Variants in BCKDHB observed in about 807,000 individuals in gnomAD.
BCKDHB encodes the protein 2-oxoisovalerate dehydrogenase subunit beta, mitochondrial.
In BCKDHB, 41 loss-of-function variants were observed where a neutral mutation model predicts 48.5. That is an observed-to-expected ratio of 0.85 (90% CI 0.66 to 1.10). The LOEUF is 1.10. Ranked by LOEUF, BCKDHB falls within the 50% of genes least tolerant of loss-of-function variation. The pLI is 0.00. For synonymous variants in BCKDHB, 201 were observed against 174.8 expected (o/e 1.15, Z -1.18); for missense variants, 496 against 494.2 (o/e 1.00, Z -0.03).
At chr6:80,304,391 T>C (rs1030994320) in intron 9 of BCKDHB, among the ~76,000 whole-genome samples, 6 of 152,150 alleles carry the variant, frequency 3.9e-5, no homozygotes, top group Admixed American at 2.6e-4. Context: ...CTGACTTTCC[T>C]AGCAAAGTGA....
chr6:80,306,634 A>G (rs1381487447), intron 9 of BCKDHB, among the ~76,000 whole-genome samples: 2 of 152,244 alleles, frequency 1.3e-5, no homozygotes, highest in Non-Finnish European at 2.9e-5. Flanking sequence ...CCAACAAATC[A>G]GATCAATAAT....
intron 9 of BCKDHB, among the ~76,000 whole-genome samples, chr6:80,286,555 A>T: frequency 6.6e-6 from 1 of 152,140 alleles, no homozygotes; most frequent in East Asian, 1.9e-4. Context: ...CTATTGAATT[A>T]TTTTCCTTAG....
intron 9 of BCKDHB, 86 bp downstream of exon 9, chr6:80,273,307 G>A (rs1442749350): frequency 1.8e-6 from 2 of 1,136,924 alleles, no homozygotes; most frequent in Non-Finnish European, 2.6e-6. Context: ...ATCACAATAT[G>A]TGAAAGCATA....
At chr6:80,145,365 T>G (rs1289295830) in intron 3 of BCKDHB, among the ~76,000 whole-genome samples, 3 of 152,168 alleles carry the variant, frequency 2.0e-5, no homozygotes, top group Non-Finnish European at 4.4e-5. Flanking sequence ...TCAGTGGTCC[T>G]TGCCTTTGCT....
chr6:80,246,924 C>A (rs1035554371), intron 8 of BCKDHB, among the ~76,000 whole-genome samples: 23 of 152,028 alleles, frequency 1.5e-4, no homozygotes, highest in Non-Finnish European at 2.9e-5. Flanking sequence ...TTCAAGGGCC[C>A]AGACAATGTT....
the BCKDHB span, among the ~76,000 whole-genome samples, chr6:80,379,986 A>G: frequency 2.0e-5 from 3 of 152,130 alleles, no homozygotes; most frequent in Admixed American, 6.5e-5. Flanking sequence ...AGAAGAATCA[A>G]TATTATTAAA....
At chr6:80,385,454 A>G in the BCKDHB span, among the ~76,000 whole-genome samples, 7 of 152,192 alleles carry the variant, frequency 4.6e-5, no homozygotes, top group African/African-American at 1.7e-4. Context: ...AGCTGGGGAC[A>G]CTGAGTTTGT....
intron 9 of BCKDHB, among the ~76,000 whole-genome samples, chr6:80,339,179 A>G (rs1156920665): frequency 2.0e-5 from 3 of 152,118 alleles, no homozygotes; most frequent in Non-Finnish European, 2.9e-5. Flanking sequence ...ACCTGTGAAA[A>G]CCTTAATATA....
At chr6:80,389,228 G>A in the BCKDHB span, among the ~76,000 whole-genome samples, 1 of 150,784 alleles carries the variant, frequency 6.6e-6, no homozygotes, top group Non-Finnish European at 1.5e-5. Flanking sequence ...CACCTAATGG[G>A]CCCACGAACA....
At chr6:80,419,122 G>A in the BCKDHB span, among the ~76,000 whole-genome samples, 3 of 152,164 alleles carry the variant, frequency 2.0e-5, no homozygotes, top group South Asian at 2.1e-4. Context: ...TCATTTGGGG[G>A]AGGTGGGACA....
intron 8 of BCKDHB, among the ~76,000 whole-genome samples, chr6:80,233,113 T>G (rs1776002307): frequency 6.6e-6 from 1 of 152,158 alleles, no homozygotes; most frequent in Non-Finnish European, 1.5e-5. Context: ...TTTTTATATT[T>G]TCAGGTATGA....
chr6:80,154,544 C>G (rs1771945543), intron 3 of BCKDHB, among the ~76,000 whole-genome samples: 1 of 151,914 alleles, frequency 6.6e-6, no homozygotes, highest in Non-Finnish European at 1.5e-5. Flanking sequence ...TAATTTCATT[C>G]CAATGTTCCA....
intron 8 of BCKDHB, among the ~76,000 whole-genome samples, chr6:80,240,306 G>GTA (rs1776327072): frequency 6.6e-6 from 1 of 152,024 alleles, no homozygotes; most frequent in African/African-American, 2.4e-5. Context: ...ATTTGTTTGT[G>GTA]TATTCTTTTA....
the BCKDHB span, among the ~76,000 whole-genome samples, chr6:80,352,142 G>T: frequency 2.6e-5 from 3 of 116,552 alleles, no homozygotes; most frequent in Admixed American, 2.4e-4. Context: ...TCTTCTTTTT[G>T]TTGTTGTTGT....
the BCKDHB span, among the ~76,000 whole-genome samples, chr6:80,351,840 A>C: frequency 8.1e-6 from 1 of 124,140 alleles, no homozygotes. Flanking sequence ...TTTTTTTTTG[A>C]GACGGAGTTT....
the BCKDHB span, among the ~76,000 whole-genome samples, chr6:80,458,601 C>G: frequency 6.6e-6 from 1 of 152,148 alleles, no homozygotes; most frequent in Non-Finnish European, 1.5e-5. Context: ...CTTCATGTAT[C>G]AAGCATGTGT....
At chr6:80,153,149 G>A (rs1771872119) in intron 3 of BCKDHB, among the ~76,000 whole-genome samples, 1 of 132,214 alleles carries the variant, frequency 7.6e-6, no homozygotes, top group African/African-American at 2.5e-5. Context: ...CTTTTTTGCA[G>A]AAGGTGAGCC....
chr6:80,210,686 G>A (rs1562139971), intron 8 of BCKDHB, among the ~76,000 whole-genome samples: 3 of 152,172 alleles, frequency 2.0e-5, no homozygotes, highest in South Asian at 4.1e-4. Context: ...AGAGAGCCTT[G>A]GTGTCCTTAG....
intron 9 of BCKDHB, among the ~76,000 whole-genome samples, chr6:80,336,300 A>G (rs1341838722): frequency 6.6e-6 from 1 of 151,910 alleles, no homozygotes; most frequent in Non-Finnish European, 1.5e-5. Flanking sequence ...AGAATTTGTT[A>G]ATACCATTCT....
Sources: gnomAD v4.1 joint callset for allele counts (sites outside exome capture counted in the v4.1 genomes callset) on GRCh38, gnomAD v4.1.1 for gene constraint, MANE v1.5 for transcripts, NCBI Gene and HGNC (gene_info 2026-07-23, HGNC 2026-07-21) for gene names.